The following ZC3H7A variants were observed in gnomAD, a reference collection of about 807,000 sequenced individuals.
ZC3H7A encodes zinc finger CCCH domain-containing protein 7A.
A neutral mutation model predicts 125.5 loss-of-function variants in ZC3H7A; 44 were observed. The ratio of observed to expected loss-of-function variants is 0.35; its 90% CI spans 0.28 to 0.45. ZC3H7A has a LOEUF of 0.45. Among genes scored for constraint, ZC3H7A ranks in the 20% least tolerant of loss-of-function variants. The pLI, the probability that ZC3H7A is intolerant of heterozygous loss-of-function variation, is 1.00. For missense variants in ZC3H7A, 977 were observed against 1,170.7 expected (o/e 0.83, Z 2.41); for synonymous variants, 399 against 391.2 (o/e 1.02, Z -0.23).
chr16:11,764,907 A>C (rs2052828623), intron 15 of ZC3H7A, 146 bp downstream of exon 15: 2 of 542,870 alleles, frequency 3.7e-6, no homozygotes, highest in South Asian at 5.5e-5. Flanking sequence ...CTACTAAAAG[A>C]CATTTTAAAA....
chr16:11,761,984 G>C lies in ZC3H7A; in HGVS notation c.2139C>G (p.Ala713=). 1 of 1,613,132 alleles carries C rather than the reference G, an allele frequency of 6.2e-7. No homozygotes were observed. ...FLNMKIKFVC[A]QCLRNGQVIE... is the part of the protein sequence containing the mutation. ...TGACTTGACCGTTTCTCAGACACTG[G>C]GCGCACACAAACTTTATCTTCATAT... The change falls in exon 18 of 23, where the codon GCC becomes GCG. Residue 713 remains alanine, a synonymous_variant. Transcript: ENST00000355758.
chr16:11,753,507 T>A (rs2052586116), intron 21 of ZC3H7A, among the ~76,000 whole-genome samples: 1 of 152,176 alleles, frequency 6.6e-6, no homozygotes, highest in African/African-American at 2.4e-5. Context: ...GGTGGTGCGA[T>A]CATAGCTCAC....
In ZC3H7A at chr16:11,768,367, G is replaced by A. The variant is rs1285217961; in HGVS notation, c.1308C>T (p.Leu436=). 3.2e-6 allele frequency: 5 copies of A among 1,586,716 alleles called. No individual in the cohort carries two copies. The highest frequency in any genetic ancestry group is 1.3e-5 in the African/African-American group (1 of 74,430). Residue 436 remains leucine (L), a synonymous_variant, in exon 12 of 23, where the codon CTC becomes CTT. Coordinates refer to ENST00000355758, the MANE Select transcript of ZC3H7A (RefSeq NM_014153.4). ...CTTGTCTCAATTCATGGGTTCCTTC[G>A]AGGGGATGTCTTGGAGTCACTGATG... The part of the protein sequence containing the change: ...PSSSVTPRHP[L]EGTHELRQAC...
intron 1 of ZC3H7A, 78 bp downstream of exon 1, chr16:11,797,046 G>A (rs1437577743): frequency 2.1e-5 from 3 of 140,022 alleles, no homozygotes; most frequent in Admixed American, 1.5e-4. Context: ...CGAGCACGAG[G>A]CGGCGGCGCG....
At chr16:11,796,188 T>C (rs1285327913) in intron 1 of ZC3H7A, 1 of 152,226 alleles carries the variant, frequency 6.6e-6, no homozygotes, top group African/African-American at 2.4e-5. Context: ...AACATGACCA[T>C]CTCAACATGC....
rs779834277 is a variant in ZC3H7A, at chr16:11,770,951, T to C, written c.940A>G (p.Ser314Gly). 8 of 1,613,582 alleles carry C rather than the reference T, an allele frequency of 5.0e-6. 1 individual carries two copies. In the South Asian group the frequency reaches 8.8e-5, roughly 18 times the overall value. The stretch of plus-strand genomic sequence containing the variant: ...GAAAAGGGCATGCTAGGAGAGACAC[T>C]GGCTGTCTGAAGGGGTCCTCTGACT... ...ALVRGPLQTA[S>G]VSPSMPFSAS... is the part of the protein sequence containing the mutation. Residue 314 changes from serine to glycine, a missense_variant, in exon 10 of 23, where the codon AGT becomes GGT. Transcript: ENST00000355758.
intron 15 of ZC3H7A, among the ~76,000 whole-genome samples, chr16:11,764,773 TG>T (rs199696666): frequency 1.1e-4 from 17 of 151,452 alleles, no homozygotes; most frequent in African/African-American, 2.9e-4. Context: ...TTGAATTAAT[TG>T]GGGGGGGTAC....
At chr16:11,783,197 C>A (rs1394471722) in intron 1 of ZC3H7A, among the ~76,000 whole-genome samples, 1 of 152,034 alleles carries the variant, frequency 6.6e-6, no homozygotes, top group African/African-American at 2.4e-5. Context: ...ATATTTTGTC[C>A]CACAAACTTC....
chr16:11,760,513 G>A (rs2052736016), intron 19 of ZC3H7A, among the ~76,000 whole-genome samples: 1 of 152,202 alleles, frequency 6.6e-6, no homozygotes, highest in African/African-American at 2.4e-5. Flanking sequence ...GCAAGGTACT[G>A]TAGGTGGTGA....
chr16:11,752,521 T>G, intron 22 of ZC3H7A, 148 bp downstream of exon 22: 2 of 973,020 alleles, frequency 2.1e-6, no homozygotes, highest in Non-Finnish European at 3.0e-6. Context: ...GCGAAACACT[T>G]TGAGCCAAAA....
At position 11,782,362 on chromosome 16, in the gene ZC3H7A, C is replaced by G. The variant is rs753902826; in HGVS notation, c.-8G>C. On this transcript the variant is annotated 5_prime_UTR_variant, in exon 2 of 23. Transcript: ENST00000355758. The stretch of plus-strand genomic sequence containing the variant: ...CTCGGACACATTGGACATGTTATCC[C>G]ACACATCCACTTTCTAAATGAGCAA... 5.6e-6 allele frequency: 9 copies of G among 1,614,026 alleles called. No individual in the cohort carries two copies. The highest frequency in any genetic ancestry group is 6.8e-6 in the Non-Finnish European group (8 of 1,179,996).
intron 19 of ZC3H7A, chr16:11,758,764 G>A: frequency 4.2e-6 from 2 of 474,552 alleles, no homozygotes; most frequent in Non-Finnish European, 7.4e-6. Context: ...GTCCAAAACA[G>A]AGTAAAGCAT....
chr16:11,778,148 A>G (rs1409408676), intron 4 of ZC3H7A, among the ~76,000 whole-genome samples: 2 of 151,830 alleles, frequency 1.3e-5, no homozygotes, highest in African/African-American at 4.8e-5. Context: ...TGATTTAAAA[A>G]AACACTCGCC....
At chr16:11,790,151 A>G (rs942056182) in intron 1 of ZC3H7A, among the ~76,000 whole-genome samples, 1 of 151,282 alleles carries the variant, frequency 6.6e-6, no homozygotes, top group East Asian at 1.9e-4. Context: ...TTTGCCAGCT[A>G]TTGACACAAT....
At position 11,765,534 on chromosome 16, in the gene ZC3H7A, G is replaced by C; in HGVS notation, c.1674C>G (p.Phe558Leu). The C allele has an allele frequency of 6.2e-7, 1 of 1,614,038 alleles. No individual in the cohort carries two copies. The highest frequency in any genetic ancestry group is 8.5e-7 in the Non-Finnish European group (1 of 1,179,968). Residue 558 changes from phenylalanine (F) to leucine (L), a missense_variant, in exon 14 of 23, where the codon TTC becomes TTG. Phe to Leu is a conservative substitution (Grantham distance 22). Coordinates refer to ENST00000355758, the MANE Select transcript of ZC3H7A (RefSeq NM_014153.4). This position sits in a 1 kb window ranked among gnomAD's most constrained non-coding sequence, Gnocchi z 4.8. ...GGNGKINLTV[F>L]KLLQEHLGEF... ...CCCCAAGATGCTCCTGGAGAAGTTT[G>C]AACACAGTAAGGTTAATCTTTCCAT...
intron 4 of ZC3H7A, among the ~76,000 whole-genome samples, chr16:11,777,654 G>C (rs1329746738): frequency 6.6e-6 from 1 of 152,126 alleles, no homozygotes; most frequent in Non-Finnish European, 1.5e-5. Flanking sequence ...CCAGGAGACA[G>C]AGGATACAGT....
chr16:11,789,039 C>A lies in ZC3H7A; in HGVS notation c.-34-6651G>T, dbSNP rs984572223. The stretch of plus-strand genomic sequence containing the variant: ...ACACACACAGGCACGCACAACCACA[C>A]ACACACAAGTGCTGCTTAAAACCCA... On this transcript the variant is annotated intron_variant, in intron 1 of 22. Coordinates refer to ENST00000355758, the MANE Select transcript of ZC3H7A (RefSeq NM_014153.4). 3.9e-5 allele frequency among the ~76,000 whole-genome samples: 6 copies of A among 152,142 alleles called. No individual in the cohort carries two copies. In the South Asian group the frequency reaches 1.0e-3, roughly 26 times the overall value.
intron 2 of ZC3H7A, 65 bp downstream of exon 2, chr16:11,782,222 C>G (rs1347928253): frequency 6.3e-7 from 1 of 1,586,860 alleles, no homozygotes; most frequent in East Asian, 2.2e-5. Flanking sequence ...TTCCTCTCCA[C>G]AAAACATACA....
In ZC3H7A at chr16:11,776,708, G is replaced by A. The variant is rs774421818; in HGVS notation, c.465+43C>T. ...CTCTTTAAATGCCATTTATTATGAT[G>A]TAAATGGTTACGATGTAAACAAATA... is the stretch of plus-strand genomic sequence containing the variant. On this transcript the variant is annotated intron_variant, in intron 5 of 22. Transcript: ENST00000355758. 4.5e-6 allele frequency: 7 copies of A among 1,561,008 alleles called. No individual in the cohort carries two copies. The South Asian group carries it at 7.3e-5, about 16-fold the overall frequency.
Sources: gnomAD v4.1 joint callset for allele counts (sites outside exome capture counted in the v4.1 genomes callset) on GRCh38, gnomAD v4.1.1 for gene constraint, Gnocchi (gnomAD v3.1) non-coding constraint, MANE v1.5 for transcripts, NCBI Gene and HGNC (gene_info 2026-07-23, HGNC 2026-07-21) for gene names.